The following CCSER1 variants were observed in gnomAD, a reference collection of about 807,000 sequenced individuals.
CCSER1 encodes the protein coiled-coil serine rich protein 1.
CCSER1 carries 41 observed loss-of-function variants against 82.0 expected under a neutral mutation model. That is an observed-to-expected ratio of 0.50 (90% CI 0.39 to 0.65). The LOEUF (loss-of-function observed/expected upper bound fraction) is 0.65. Ranked by LOEUF, CCSER1 falls within the 30% of genes least tolerant of loss-of-function variation. The pLI is 0.00. For synonymous variants in CCSER1, 414 were observed against 383.9 expected (o/e 1.08, Z -0.92); for missense variants, 1,119 against 1,064.2 (o/e 1.05, Z -0.72).
At chr4:91,462,089 G>A (rs1756535679) in intron 10 of CCSER1, among the ~76,000 whole-genome samples, 2 of 152,228 alleles carry the variant, frequency 1.3e-5, no homozygotes, top group Middle Eastern at 3.4e-3. Context: ...GTTTAAGAGT[G>A]AAACTTTTCA....
At chr4:90,303,118 T>G (rs559876080) in intron 1 of CCSER1, among the ~76,000 whole-genome samples, 1 of 152,224 alleles carries the variant, frequency 6.6e-6, no homozygotes, top group East Asian at 1.9e-4. Flanking sequence ...TATTCAATAA[T>G]GTGCAGATAT....
At chr4:91,110,965 A>G (rs1463351347) in intron 10 of CCSER1, among the ~76,000 whole-genome samples, 1 of 152,016 alleles carries the variant, frequency 6.6e-6, no homozygotes, top group East Asian at 1.9e-4. Flanking sequence ...ACTTAAATAT[A>G]TAGATGATGA....
intron 1 of CCSER1, among the ~76,000 whole-genome samples, chr4:90,271,852 ATATATATATATTTT>A (rs1360960154): frequency 4.5e-4 from 11 of 24,414 alleles, no homozygotes; most frequent in East Asian, 3.9e-3. Flanking sequence ...ATATATATAT[ATATATATATATTTT>A]TTTTTTTTTT....
chr4:91,344,505 A>G (rs1205644110), intron 10 of CCSER1, among the ~76,000 whole-genome samples: 2 of 152,204 alleles, frequency 1.3e-5, no homozygotes, highest in Non-Finnish European at 2.9e-5. Context: ...ATGGTTTATA[A>G]GTGTTTTAAA....
intron 1 of CCSER1, among the ~76,000 whole-genome samples, chr4:90,163,289 T>C (rs981780101): frequency 5.9e-5 from 9 of 152,100 alleles, no homozygotes; most frequent in African/African-American, 2.2e-4. Context: ...TCGTAATACC[T>C]ATATTGGCAG....
chr4:90,982,880 AAGAT>A (rs1448927232), intron 9 of CCSER1, among the ~76,000 whole-genome samples: 2 of 151,798 alleles, frequency 1.3e-5, no homozygotes, highest in Non-Finnish European at 2.9e-5. Context: ...AAAGAAAAAA[AAGAT>A]AGAGTCCTTA....
intron 10 of CCSER1, among the ~76,000 whole-genome samples, chr4:91,205,016 C>T (rs1736225564): frequency 6.6e-6 from 1 of 151,514 alleles, no homozygotes; most frequent in African/African-American, 2.4e-5. Context: ...ATTAAATTTT[C>T]CACACAGATA....
intron 7 of CCSER1, among the ~76,000 whole-genome samples, chr4:90,732,299 G>A (rs923462741): frequency 3.3e-5 from 5 of 152,110 alleles, no homozygotes; most frequent in Admixed American, 1.3e-4. Context: ...GTTCCAGAGT[G>A]TGTCGACAGT....
At chr4:91,553,411 T>A (rs996365032) in intron 10 of CCSER1, among the ~76,000 whole-genome samples, 4 of 151,608 alleles carry the variant, frequency 2.6e-5, no homozygotes, top group African/African-American at 9.7e-5. Flanking sequence ...TCTGGCCTCA[T>A]AAAATGAGTT....
chr4:91,401,485 G>A (rs935086408), intron 10 of CCSER1, among the ~76,000 whole-genome samples: 1 of 151,612 alleles, frequency 6.6e-6, no homozygotes, highest in African/African-American at 2.4e-5. Context: ...TGCCATGTTG[G>A]TGTGCTGCAC....
At chr4:91,136,309 G>A (rs571885019) in intron 10 of CCSER1, among the ~76,000 whole-genome samples, 13 of 152,090 alleles carry the variant, frequency 8.5e-5, no homozygotes, top group South Asian at 2.1e-4. Flanking sequence ...TCATCCTACC[G>A]TCTTTATTGG....
chr4:91,477,972 G>A (rs914608129), intron 10 of CCSER1, among the ~76,000 whole-genome samples: 7 of 151,768 alleles, frequency 4.6e-5, no homozygotes, highest in African/African-American at 1.5e-4. Context: ...ATAGAATGAA[G>A]TATTACGACT....
chr4:90,568,477 A>G (rs962696373), intron 5 of CCSER1, among the ~76,000 whole-genome samples: 1 of 151,794 alleles, frequency 6.6e-6, no homozygotes, highest in African/African-American at 2.4e-5. Flanking sequence ...AAGTTTGGTT[A>G]TTTCTACTCT....
chr4:91,350,911 T>C (rs1445291127), intron 10 of CCSER1, among the ~76,000 whole-genome samples: 1 of 152,024 alleles, frequency 6.6e-6, no homozygotes, highest in Non-Finnish European at 1.5e-5. Context: ...TTAAAACATA[T>C]TATTATTTTA....
intron 1 of CCSER1, among the ~76,000 whole-genome samples, chr4:90,194,733 G>A (rs2153399585): frequency 6.6e-6 from 1 of 152,048 alleles, no homozygotes; most frequent in African/African-American, 2.4e-5. Context: ...TTTAAAGAAA[G>A]CACACTTTGT....
In CCSER1 at chr4:90,309,286, T is replaced by G; in HGVS notation, c.1002T>G (p.Ser334=). Residue 334 remains serine, a synonymous_variant, in exon 2 of 11, where the codon TCT becomes TCG. Transcript: ENST00000509176. ...YRLEGQCSTE[S]NSLPETSAAN... ...TAGAGGGTCAATGTAGCACTGAATC[T>G]AATTCATTACCGGAAACCTCTGCTG... The G allele has an allele frequency of 6.2e-7, 1 of 1,613,906 alleles. No individual in the cohort carries two copies. Among genetic ancestry groups the G allele is most frequent in the Non-Finnish European group, 8.5e-7 (1 of 1,179,824 alleles).
intron 10 of CCSER1, among the ~76,000 whole-genome samples, chr4:91,326,160 C>T (rs934878066): frequency 6.6e-6 from 1 of 152,068 alleles, no homozygotes; most frequent in Non-Finnish European, 1.5e-5. Context: ...TAAAAATGAG[C>T]TCTTCTTTTT....
chr4:90,720,936 G>C (rs1265836188), intron 6 of CCSER1, among the ~76,000 whole-genome samples: 2 of 151,722 alleles, frequency 1.3e-5, no homozygotes, highest in Non-Finnish European at 2.9e-5. Flanking sequence ...GAATGAAATC[G>C]CTTGTCAATT....
intron 10 of CCSER1, 111 bp downstream of exon 10, chr4:91,086,105 T>C: frequency 1.4e-6 from 1 of 691,708 alleles, no homozygotes; most frequent in South Asian, 1.8e-5. Flanking sequence ...GAAATGGAGA[T>C]GCATTGAAGA....
Sources: allele counts gnomAD v4.1 joint callset (sites outside exome capture counted in the v4.1 genomes callset), GRCh38; gene constraint gnomAD v4.1.1; transcripts MANE v1.5; gene names NCBI Gene and HGNC (gene_info 2026-07-23, HGNC 2026-07-21).